FAM53B: variants seen among roughly 807,000 people sequenced by gnomAD.
The protein encoded by FAM53B is family with sequence similarity 53 member B.
Under a neutral mutation model 32.7 loss-of-function variants are expected in FAM53B, and 12 were observed. The observed-to-expected ratio is 0.37, with a 90% CI of 0.24 to 0.59. The LOEUF (loss-of-function observed/expected upper bound fraction) is 0.59. FAM53B is among the 20% of genes least tolerant of loss of function. The pLI, the probability that FAM53B is intolerant of heterozygous loss-of-function variation, is 0.72. For missense variants in FAM53B, 477 were observed against 577.7 expected, an observed-to-expected ratio of 0.83 and a Z score of 1.79; for synonymous variants, 234 against 228.7, an observed-to-expected ratio of 1.02 and a Z score of -0.21.
At chr10:124,640,069 C>G (rs1949460679) in intron 4 of FAM53B, among the ~76,000 whole-genome samples, 1 of 152,210 alleles carries the variant, frequency 6.6e-6, no homozygotes, top group African/African-American at 2.4e-5. Context: ...CTAGGAACCC[C>G]CAGCAAGCCT....
chr10:124,715,299 G>A (rs1420832701), intron 1 of FAM53B, among the ~76,000 whole-genome samples: 2 of 152,320 alleles, frequency 1.3e-5, no homozygotes, highest in East Asian at 1.9e-4. Flanking sequence ...GAGGGTAGAA[G>A]CGGGACAGGA....
intron 4 of FAM53B, among the ~76,000 whole-genome samples, chr10:124,653,059 T>C (rs1321946353): frequency 6.6e-6 from 1 of 152,168 alleles, no homozygotes. Context: ...GGACAGCATT[T>C]TTCAACCAGG....
chr10:124,695,957 G>C (rs757398576), intron 3 of FAM53B, among the ~76,000 whole-genome samples: 7 of 152,156 alleles, frequency 4.6e-5, no homozygotes, highest in Non-Finnish European at 7.4e-5. Flanking sequence ...CTCAATGTTG[G>C]AGTTGTAAAC....
rs1949326423 is a variant in FAM53B, at chr10:124,623,561, G to C, written c.950C>G (p.Thr317Arg). ...FSSLSCLSAGTEDCGPQSPFA... is the reference protein window; with the variant it reads ...FSSLSCLSAGREDCGPQSPFA... ...GGGGCTCTGGGGACCGCAGTCCTCT[G>C]TCCCTGCGCTCAGGCAGCTGAGGCT... Residue 317 changes from threonine to arginine, a missense_variant, in exon 5 of 5, where the codon ACA becomes AGA. Coordinates refer to ENST00000337318, the MANE Select transcript of FAM53B (RefSeq NM_014661.4). 1.2e-6 allele frequency: 2 copies of C among 1,601,746 alleles called. No homozygotes were observed. Among genetic ancestry groups the C allele is most frequent in the Non-Finnish European group, 1.7e-6 (2 of 1,175,668 alleles).
chr10:124,690,300 C>T (rs1010079793), intron 3 of FAM53B, among the ~76,000 whole-genome samples: 1 of 152,250 alleles, frequency 6.6e-6, no homozygotes, highest in Non-Finnish European at 1.5e-5. Context: ...CAATCTCCAT[C>T]TGACTGATGG....
intron 2 of FAM53B, among the ~76,000 whole-genome samples, chr10:124,700,984 G>C (rs1167745372): frequency 2.6e-5 from 4 of 152,194 alleles, no homozygotes; most frequent in African/African-American, 9.6e-5. Context: ...GGAGGGAACA[G>C]CACCTTTGTG....
chr10:124,639,030 T>C (rs571774279), intron 4 of FAM53B, among the ~76,000 whole-genome samples: 275 of 152,312 alleles, frequency 1.8e-3, no homozygotes, highest in Non-Finnish European at 3.0e-3. Flanking sequence ...GGCTTAGCTA[T>C]TGGGTGGAGA....
intron 1 of FAM53B, among the ~76,000 whole-genome samples, chr10:124,709,336 G>A (rs1384670487): frequency 6.6e-6 from 1 of 152,202 alleles, no homozygotes; most frequent in African/African-American, 2.4e-5. Flanking sequence ...CCAGAACGAG[G>A]CAAAGACGGG....
intron 4 of FAM53B, among the ~76,000 whole-genome samples, chr10:124,670,675 T>C (rs1949702776): frequency 6.6e-6 from 1 of 152,200 alleles, no homozygotes; most frequent in African/African-American, 2.4e-5. Context: ...TGATTATCTT[T>C]GCAAAGCTGA....
intron 2 of FAM53B, chr10:124,705,800 T>C (rs942623730): frequency 2.6e-5 from 4 of 152,264 alleles, no homozygotes; most frequent in Non-Finnish European, 4.4e-5. Flanking sequence ...TGGCATGAGC[T>C]AGGGGAAGGG....
Position 124,651,275 on chromosome 10 carries a change from C to G in FAM53B, c.907-27671G>C, listed in dbSNP as rs1301444929. 6.6e-6 allele frequency among the ~76,000 whole-genome samples: 1 copy of G among 152,222 alleles called. No homozygotes were observed. The highest frequency in any genetic ancestry group is 1.5e-5 in the Non-Finnish European group (1 of 68,042). On this transcript the variant is annotated intron_variant, in intron 4 of 4. Transcript: ENST00000337318. The surrounding 1 kb of genome is among the most constrained non-coding windows in gnomAD (Gnocchi z 5.2). ...TTTTCCAGGAGCTGAGGCCCCAGGG[C>G]CCTAACTCAGTTCCCTCGTGTTCCA...
intron 1 of FAM53B, among the ~76,000 whole-genome samples, chr10:124,736,300 C>T (rs1277328433): frequency 6.6e-6 from 1 of 152,274 alleles, no homozygotes; most frequent in Non-Finnish European, 1.5e-5. Flanking sequence ...AATCGTTTGA[C>T]TGCCAAAGGG....
rs1302128101 is a variant in FAM53B, at chr10:124,640,825, G to A, written c.907-17221C>T. Among the ~76,000 whole-genome samples the A allele has an allele frequency of 2.0e-5, 3 of 152,166 alleles. No homozygotes were observed. In the East Asian group the frequency reaches 5.8e-4, roughly 29 times the overall value. On this transcript the variant is annotated intron_variant, in intron 4 of 4. Coordinates refer to ENST00000337318, the MANE Select transcript of FAM53B (RefSeq NM_014661.4). The stretch of plus-strand genomic sequence containing the variant: ...ACCACCATGCAATACAGCCCCGAGC[G>A]CAGGAAGAGAGGAGGAGGAAAAAGA...
chr10:124,699,273 G>A (rs1331068471), intron 2 of FAM53B, among the ~76,000 whole-genome samples: 1 of 152,210 alleles, frequency 6.6e-6, no homozygotes, highest in African/African-American at 2.4e-5. Context: ...CCACCTGTCA[G>A]CGCCAGCCTG....
intron 2 of FAM53B, among the ~76,000 whole-genome samples, chr10:124,702,734 GCATA>G (rs1949923948): frequency 6.6e-6 from 1 of 152,180 alleles, no homozygotes; most frequent in South Asian, 2.1e-4. Context: ...GGACCTCTGG[GCATA>G]CAGTTTGGAT....
chr10:124,688,137 A>G (rs1370060413), intron 3 of FAM53B, among the ~76,000 whole-genome samples: 1 of 151,936 alleles, frequency 6.6e-6, no homozygotes, highest in Non-Finnish European at 1.5e-5. Flanking sequence ...AAGCTAACTC[A>G]CTCCTATGAA....
At chr10:124,720,751 T>C (rs561360018) in intron 1 of FAM53B, among the ~76,000 whole-genome samples, 2 of 152,162 alleles carry the variant, frequency 1.3e-5, no homozygotes, top group Non-Finnish European at 2.9e-5. Flanking sequence ...GACATGAACA[T>C]ACATAAGCCA....
intron 4 of FAM53B, among the ~76,000 whole-genome samples, chr10:124,662,676 T>C (rs1192817986): frequency 6.6e-6 from 1 of 152,070 alleles, no homozygotes; most frequent in Admixed American, 6.6e-5. Context: ...ACTTAAAAAT[T>C]AGCCTGGCAT....
chr10:124,667,386 A>C, intron 4 of FAM53B: 2 of 768,714 alleles, frequency 2.6e-6, no homozygotes, highest in South Asian at 2.8e-5. Context: ...ACCGCCTGTA[A>C]AATGGATAAC....
Sources: allele counts gnomAD v4.1 joint callset (sites outside exome capture counted in the v4.1 genomes callset), GRCh38; gene constraint gnomAD v4.1.1; non-coding constraint Gnocchi (gnomAD v3.1); transcripts MANE v1.5; gene names NCBI Gene and HGNC (gene_info 2026-07-23, HGNC 2026-07-21).